The following ETV1 variants were observed in gnomAD, a reference collection of about 807,000 sequenced individuals.
ETV1 encodes ETS translocation variant 1.
ETV1 carries 27 observed loss-of-function variants against 62.3 expected under a neutral mutation model. The observed-to-expected ratio is 0.43, with a 90% CI of 0.32 to 0.60. The LOEUF is 0.60. Ranked by LOEUF, ETV1 falls within the 20% of genes least tolerant of loss-of-function variation. The probability of loss-of-function intolerance (pLI) is 0.06; values close to 1 mark genes in which losing one functional copy is unlikely to be tolerated. For synonymous variants in ETV1, 222 were observed against 199.6 expected (o/e 1.11, Z -0.94); for missense variants, 605 against 605.8 (o/e 1.00, Z 0.01).
chr7:13,916,216 A>T (rs2128426869), intron 9 of ETV1, among the ~76,000 whole-genome samples: 1 of 152,342 alleles, frequency 6.6e-6, no homozygotes, highest in South Asian at 2.1e-4. Flanking sequence ...AAATCTGCAG[A>T]GATACTTACT....
upstream of ETV1, chr7:13,989,915 C>T (rs992518742): frequency 3.6e-6 from 1 of 275,316 alleles, no homozygotes; most frequent in African/African-American, 2.2e-5. Context: ...CCTCTGTAAC[C>T]CGCTGCTTAT....
intron 5 of ETV1, among the ~76,000 whole-genome samples, chr7:13,980,803 G>C (rs887933501): frequency 6.6e-6 from 1 of 151,894 alleles, no homozygotes; most frequent in African/African-American, 2.4e-5. Flanking sequence ...CTGTCTTTTT[G>C]CTACGTATCA....
chr7:13,926,723 T>C (rs180975465), intron 9 of ETV1, among the ~76,000 whole-genome samples: 19 of 152,144 alleles, frequency 1.2e-4, no homozygotes, highest in African/African-American at 4.6e-4. Flanking sequence ...GGGACAATAA[T>C]AGATGGATTG....
At chr7:13,943,702 T>C (rs1787819984) in intron 6 of ETV1, among the ~76,000 whole-genome samples, 1 of 152,032 alleles carries the variant, frequency 6.6e-6, no homozygotes, top group Non-Finnish European at 1.5e-5. Flanking sequence ...ACAAATTACA[T>C]GCAAAAACAG....
At chr7:13,929,560 A>G (rs925130645) in intron 9 of ETV1, among the ~76,000 whole-genome samples, 1 of 152,104 alleles carries the variant, frequency 6.6e-6, no homozygotes, top group African/African-American at 2.4e-5. Flanking sequence ...TGAGCTCAAT[A>G]TTGGGCCACA....
In ETV1 at chr7:13,896,743, GGAAAGAAAGAAAGAAAGAAA is replaced by G. The variant is rs10694579; in HGVS notation, c.1213-676_1213-657del. 2.3e-4 allele frequency among the ~76,000 whole-genome samples: 26 copies of G among 115,298 alleles called. 1 individual carries two copies. Among genetic ancestry groups the G allele is most frequent in the African/African-American group, 8.4e-4 (25 of 29,830 alleles). The allele number at this position is 115,298 out of a possible 152,430, so 75.6% of individuals were successfully genotyped here. ...AGAAAGAAAAAGAAAAAGAAAGAAA[GGAAAGAAAGAAAGAAAGAAA>G]GAAAGAAAGAAAGAAAGAAAGAAAG... On this transcript the variant is annotated intron_variant, in intron 13 of 13. Coordinates refer to ENST00000430479, the MANE Select transcript of ETV1 (RefSeq NM_004956.5).
At position 13,893,068 on chromosome 7, in the gene ETV1, G is replaced by A. The variant is rs118060921; in HGVS notation, c.*2798C>T. The A allele has an allele frequency of 0.021, 4,900 of 232,698 alleles. 68 individuals carry two copies. Among genetic ancestry groups the A allele is most frequent in the Middle Eastern group, 0.058 (45 of 780 alleles). 14.4% of individuals were successfully genotyped at this position (232,698 alleles called of 1,614,324 possible). A position where few individuals can be genotyped will look rare whatever the true frequency, so the allele number is the denominator to read the frequency against. ...ATTTTTATTCTGAAGCACTTTTCAT[G>A]GACATAACAAGAAAAATTATTTTTA... is the stretch of plus-strand genomic sequence containing the variant. On this transcript the variant is annotated 3_prime_UTR_variant, in exon 14 of 14. Coordinates refer to ENST00000430479, the MANE Select transcript of ETV1 (RefSeq NM_004956.5).
At position 13,892,501 on chromosome 7, in the gene ETV1, G is replaced by A. The variant is rs1030973134; in HGVS notation, c.*3365C>T. 7 of 232,834 alleles carry A rather than the reference G, an allele frequency of 3.0e-5. No homozygotes were observed. The South Asian group carries it at 5.4e-4, about 18-fold the overall frequency. The allele number at this position is 232,834 out of a possible 1,614,324, so 14.4% of individuals were successfully genotyped here. ...ACTGTTCCTGAGTAAATCAATTAGA[G>A]TCTTTGCTACACAGTCTTCCTCCTC... On this transcript the variant is annotated 3_prime_UTR_variant, in exon 14 of 14. Transcript: ENST00000430479.
At chr7:13,982,917 A>G (rs1184841552) in intron 5 of ETV1, among the ~76,000 whole-genome samples, 1 of 152,058 alleles carries the variant, frequency 6.6e-6, no homozygotes, top group African/African-American at 2.4e-5. Context: ...AGCACATATT[A>G]CTTATGATTT....
At chr7:13,933,443 G>A (rs1366797386) in intron 8 of ETV1, among the ~76,000 whole-genome samples, 3 of 152,192 alleles carry the variant, frequency 2.0e-5, no homozygotes, top group Admixed American at 6.5e-5. Context: ...AAAACAGGGT[G>A]TAAGTGGTGG....
chr7:13,976,446 C>A (rs1340650620), intron 6 of ETV1, among the ~76,000 whole-genome samples: 4 of 152,098 alleles, frequency 2.6e-5, no homozygotes, highest in Non-Finnish European at 5.9e-5. Context: ...AGAATCTGGA[C>A]AAAACCTTGC....
At chr7:13,980,229 T>C (rs1363259950) in intron 5 of ETV1, among the ~76,000 whole-genome samples, 1 of 152,196 alleles carries the variant, frequency 6.6e-6, no homozygotes, top group Non-Finnish European at 1.5e-5. Flanking sequence ...GGCTTAAGTA[T>C]ACCTCTAATT....
intron 3 of ETV1, 94 bp downstream of exon 3, chr7:13,988,914 C>G: frequency 6.7e-7 from 1 of 1,496,614 alleles, no homozygotes; most frequent in Non-Finnish European, 9.2e-7. Context: ...TCTGCAATCC[C>G]AACCCCCGTG....
chr7:13,941,829 C>G (rs1476821857), intron 6 of ETV1, among the ~76,000 whole-genome samples: 3 of 150,790 alleles, frequency 2.0e-5, no homozygotes, highest in African/African-American at 4.9e-5. Flanking sequence ...CGGCAGTGCA[C>G]TCCAGCCTAG....
Position 13,931,497 on chromosome 7 carries a change from C to A in ETV1, c.802+5G>T, listed in dbSNP as rs376734215. On this transcript the variant is annotated splice_donor_5th_base_variant and intron_variant, in intron 9 of 13. Coordinates refer to ENST00000430479, the MANE Select transcript of ETV1 (RefSeq NM_004956.5). ...GAATGTAATTTGCGCAGAGCGCAGG[C>A]CTACCTGAGTCATATGCAAAATCTC... 7 of 1,613,792 alleles carry A rather than the reference C, an allele frequency of 4.3e-6. No individual in the cohort carries two copies. The highest frequency in any genetic ancestry group is 5.9e-6 in the Non-Finnish European group (7 of 1,179,850).
chr7:13,917,546 G>C (rs915921588), intron 9 of ETV1, among the ~76,000 whole-genome samples: 1 of 151,970 alleles, frequency 6.6e-6, no homozygotes, highest in Non-Finnish European at 1.5e-5. Flanking sequence ...TTGAACTCCT[G>C]ACCTCAGGTG....
At chr7:13,988,513 C>G (rs1782753164) in intron 3 of ETV1, 2 of 750,460 alleles carry the variant, frequency 2.7e-6, no homozygotes, top group East Asian at 5.6e-5. Context: ...TAGATTAAAA[C>G]AGTGGGTTTT....
chr7:13,919,955 C>A (rs1784645174), intron 9 of ETV1, among the ~76,000 whole-genome samples: 1 of 151,966 alleles, frequency 6.6e-6, no homozygotes, highest in African/African-American at 2.4e-5. Flanking sequence ...CATTTAATTT[C>A]AAATCTCAGT....
At chr7:13,984,180 T>C (rs1782292314) in intron 5 of ETV1, among the ~76,000 whole-genome samples, 1 of 151,984 alleles carries the variant, frequency 6.6e-6, no homozygotes, top group African/African-American at 2.4e-5. Flanking sequence ...TTCTAACTCA[T>C]GCGAGAAACT....
Sources: allele counts gnomAD v4.1 joint callset (sites outside exome capture counted in the v4.1 genomes callset), GRCh38; gene constraint gnomAD v4.1.1; transcripts MANE v1.5; gene names NCBI Gene and HGNC (gene_info 2026-07-23, HGNC 2026-07-21).